ARHGAP21: variants seen among roughly 807,000 people sequenced by gnomAD.
ARHGAP21 encodes the protein Rho GTPase activating protein 21, also known as rho GTPase-activating protein 21.
ARHGAP21 carries 38 observed loss-of-function variants against 164.6 expected under a neutral mutation model. The ratio of observed to expected loss-of-function variants is 0.23; its 90% CI spans 0.18 to 0.30. The LOEUF is 0.30. Among genes scored for constraint, ARHGAP21 ranks in the 10% least tolerant of loss-of-function variants. The pLI is 1.00. For synonymous variants in ARHGAP21, 766 were observed against 857.9 expected, an observed-to-expected ratio of 0.89 and a Z score of 1.87; for missense variants, 1,822 against 2,370.7, an observed-to-expected ratio of 0.77 and a Z score of 4.81.
At chr10:24,628,089 G>A (rs1161258462) in intron 7 of ARHGAP21, among the ~76,000 whole-genome samples, 1 of 152,172 alleles carries the variant, frequency 6.6e-6, no homozygotes, top group Non-Finnish European at 1.5e-5. Flanking sequence ...GAGCACTAGA[G>A]AAGAATTCCC....
chr10:24,633,526 C>A, intron 5 of ARHGAP21, 46 bp from the exon 6 acceptor site: 1 of 1,171,894 alleles, frequency 8.5e-7, no homozygotes, highest in South Asian at 1.3e-5. Flanking sequence ...TGCAGAAAGT[C>A]ACTTTTGAAC....
intron 2 of ARHGAP21, among the ~76,000 whole-genome samples, chr10:24,689,902 ATATACATG>A (rs1842583528): frequency 2.5e-5 from 1 of 39,578 alleles, no homozygotes; most frequent in African/African-American, 1.0e-4. Flanking sequence ...GTATGTGTAT[ATATACATG>A]TATATATGTA....
intron 9 of ARHGAP21, among the ~76,000 whole-genome samples, chr10:24,618,593 A>G (rs1834220937): frequency 6.6e-6 from 1 of 152,186 alleles, no homozygotes; most frequent in Non-Finnish European, 1.5e-5. Context: ...AATGTATACC[A>G]GGGTTAGAAA....
At chr10:24,665,891 G>C (rs141514470) in intron 4 of ARHGAP21, among the ~76,000 whole-genome samples, 7 of 152,206 alleles carry the variant, frequency 4.6e-5, no homozygotes, top group Admixed American at 1.3e-4. Context: ...TGAATACAAC[G>C]TGGGATTCCG....
chr10:24,687,845 C>T (rs940179522), intron 2 of ARHGAP21, among the ~76,000 whole-genome samples: 5 of 152,140 alleles, frequency 3.3e-5, no homozygotes, highest in African/African-American at 1.2e-4. Context: ...AAGCTACAGA[C>T]GGTCAGACAC....
intron 8 of ARHGAP21, among the ~76,000 whole-genome samples, chr10:24,621,720 G>T (rs1304056192): frequency 1.3e-5 from 2 of 152,166 alleles, no homozygotes. Flanking sequence ...TTAAATGGCT[G>T]CCAAATAAAT....
intron 9 of ARHGAP21, among the ~76,000 whole-genome samples, chr10:24,617,593 T>C (rs972838756): frequency 6.6e-6 from 1 of 152,006 alleles, no homozygotes; most frequent in Non-Finnish European, 1.5e-5. Context: ...TGTTGACAAC[T>C]TGAATATATC....
At chr10:24,673,706 AC>A (rs1405198239) in intron 2 of ARHGAP21, among the ~76,000 whole-genome samples, 1 of 152,060 alleles carries the variant, frequency 6.6e-6, no homozygotes, top group Non-Finnish European at 1.5e-5. Context: ...TACTAAAAAT[AC>A]AAAAATTAGC....
intron 15 of ARHGAP21, among the ~76,000 whole-genome samples, 165 bp downstream of exon 15, chr10:24,597,780 T>TACCC (rs1388815106): frequency 6.6e-6 from 1 of 152,190 alleles, no homozygotes; most frequent in African/African-American, 2.4e-5. Context: ...CTGTATACAC[T>TACCC]ACCCGCCCAT....
chr10:24,705,644 T>C (rs1041274839), intron 2 of ARHGAP21, among the ~76,000 whole-genome samples: 1 of 152,232 alleles, frequency 6.6e-6, no homozygotes, highest in African/African-American at 2.4e-5. Flanking sequence ...TTATTTATCA[T>C]TCATTGCTTT....
chr10:24,715,079 A>G (rs1269283168), intron 2 of ARHGAP21, among the ~76,000 whole-genome samples: 1 of 152,134 alleles, frequency 6.6e-6, no homozygotes, highest in East Asian at 1.9e-4. Flanking sequence ...TTGTTTTTTA[A>G]GTGTTGCTTT....
chr10:24,672,540 G>A (rs965459413), intron 2 of ARHGAP21, among the ~76,000 whole-genome samples: 1 of 152,108 alleles, frequency 6.6e-6, no homozygotes, highest in Admixed American at 6.5e-5. Flanking sequence ...TCTAACCCAA[G>A]CCTCTCTCCA....
At position 24,635,117 on chromosome 10, in the gene ARHGAP21, G is replaced by T; in HGVS notation, c.269-14C>A. The T allele has an allele frequency of 1.3e-6, 2 of 1,538,856 alleles. No homozygotes were observed. Among genetic ancestry groups the T allele is most frequent in the Non-Finnish European group, 1.8e-6 (2 of 1,133,418 alleles). On this transcript the variant is annotated splice_polypyrimidine_tract_variant and intron_variant, in intron 4 of 25. Transcript: ENST00000396432. Reference sequence around the variant, plus strand: ...TTCTTTGTTTTCCTGTTACAGAGAAGCCCAAAGCATGATTTTACTTCACAA... The same window carrying T: ...TTCTTTGTTTTCCTGTTACAGAGAATCCCAAAGCATGATTTTACTTCACAA...
chr10:24,633,587 T>C, intron 5 of ARHGAP21, 107 bp from the exon 6 acceptor site: 1 of 599,170 alleles, frequency 1.7e-6, no homozygotes, highest in Non-Finnish European at 2.8e-6. Context: ...GTCGTATATA[T>C]TAAAATAATA....
intron 10 of ARHGAP21, 63 bp downstream of exon 10, chr10:24,607,682 A>G (rs1397632265): frequency 3.2e-5 from 52 of 1,610,520 alleles, no homozygotes; most frequent in Non-Finnish European, 5.9e-6. Flanking sequence ...TCAGTTTATC[A>G]TACTATTCTA....
intron 4 of ARHGAP21, among the ~76,000 whole-genome samples, chr10:24,663,674 G>T (rs749798778): frequency 6.6e-6 from 1 of 152,126 alleles, no homozygotes; most frequent in Non-Finnish European, 1.5e-5. Context: ...GATTAGAAGC[G>T]TGCATCCCCA....
chr10:24,656,250 C>G (rs1323913829), intron 4 of ARHGAP21, among the ~76,000 whole-genome samples: 1 of 119,184 alleles, frequency 8.4e-6, no homozygotes, highest in Admixed American at 7.9e-5. Context: ...CCGCCCCGTC[C>G]GGGAGGTGAG....
chr10:24,617,752 AAAC>A (rs1192820752), intron 9 of ARHGAP21, among the ~76,000 whole-genome samples: 2 of 152,150 alleles, frequency 1.3e-5, no homozygotes, highest in Non-Finnish European at 2.9e-5. Flanking sequence ...CGTAGAAAAG[AAAC>A]AACAGTCCTC....
intron 6 of ARHGAP21, among the ~76,000 whole-genome samples, chr10:24,630,827 C>T (rs978446588): frequency 1.3e-5 from 2 of 152,128 alleles, no homozygotes; most frequent in Admixed American, 6.6e-5. Flanking sequence ...TGCAATATTC[C>T]CTCCTGGCCT....
Sources: gnomAD v4.1 joint callset for allele counts (sites outside exome capture counted in the v4.1 genomes callset) on GRCh38, gnomAD v4.1.1 for gene constraint, MANE v1.5 for transcripts, NCBI Gene and HGNC (gene_info 2026-07-23, HGNC 2026-07-21) for gene names.